MAGI2: variants seen among roughly 807,000 people sequenced by gnomAD.
MAGI2 encodes membrane-associated guanylate kinase, WW and PDZ domain-containing protein 2.
MAGI2 carries 35 observed loss-of-function variants against 133.3 expected under a neutral mutation model. The ratio of observed to expected loss-of-function variants is 0.26; its 90% CI spans 0.20 to 0.35. The LOEUF (loss-of-function observed/expected upper bound fraction) is 0.35. Among genes scored for constraint, MAGI2 ranks in the 10% least tolerant of loss-of-function variants. The probability of loss-of-function intolerance (pLI) is 1.00; values close to 1 mark genes in which losing one functional copy is unlikely to be tolerated. For synonymous variants in MAGI2, 729 were observed against 710.6 expected (o/e 1.03, Z -0.41); for missense variants, 1,636 against 1,863.4 (o/e 0.88, Z 2.25).
intron 2 of MAGI2, among the ~76,000 whole-genome samples, chr7:78,807,333 A>C (rs576639317): frequency 6.6e-6 from 1 of 152,282 alleles, no homozygotes; most frequent in East Asian, 1.9e-4. Flanking sequence ...TAATATAAAT[A>C]ATATATTTTA....
intron 2 of MAGI2, among the ~76,000 whole-genome samples, chr7:78,686,383 C>T (rs1325079643): frequency 6.6e-6 from 1 of 152,156 alleles, no homozygotes; most frequent in African/African-American, 2.4e-5. Flanking sequence ...ACACACCCAT[C>T]ACCATGGCTA....
At chr7:79,052,032 T>C (rs1812720480) in intron 1 of MAGI2, among the ~76,000 whole-genome samples, 1 of 152,130 alleles carries the variant, frequency 6.6e-6, no homozygotes, top group South Asian at 2.1e-4. Context: ...TTTTTGGGTA[T>C]AGTTCCTAAC....
intron 18 of MAGI2, among the ~76,000 whole-genome samples, chr7:78,129,192 G>A (rs981018806): frequency 6.6e-6 from 1 of 150,826 alleles, no homozygotes; most frequent in Admixed American, 6.6e-5. Context: ...TAATACAAAC[G>A]AGTAAAAATA....
intron 7 of MAGI2, among the ~76,000 whole-genome samples, chr7:78,359,609 C>T (rs560505447): frequency 3.5e-4 from 53 of 152,082 alleles, no homozygotes; most frequent in Admixed American, 5.2e-4. Flanking sequence ...GATAATAATT[C>T]GCCCTTCTGA....
chr7:78,294,592 G>C (rs986519144), intron 9 of MAGI2, among the ~76,000 whole-genome samples: 3 of 152,084 alleles, frequency 2.0e-5, no homozygotes, highest in African/African-American at 7.2e-5. Flanking sequence ...GACACGTGTG[G>C]AAACACTTAG....
At chr7:78,691,404 T>C (rs2151122693) in intron 2 of MAGI2, among the ~76,000 whole-genome samples, 1 of 152,212 alleles carries the variant, frequency 6.6e-6, no homozygotes, top group African/African-American at 2.4e-5. Flanking sequence ...TGAATATTTG[T>C]AAGATAATGA....
chr7:79,094,338 A>C (rs1350346888), intron 1 of MAGI2, among the ~76,000 whole-genome samples: 1 of 152,220 alleles, frequency 6.6e-6, no homozygotes, highest in Admixed American at 6.5e-5. Flanking sequence ...TCACATCTTC[A>C]GTCTCCACTT....
intron 2 of MAGI2, among the ~76,000 whole-genome samples, chr7:78,845,986 T>G (rs1792570023): frequency 1.3e-5 from 2 of 151,880 alleles, no homozygotes; most frequent in African/African-American, 4.8e-5. Flanking sequence ...GTAAAACCGT[T>G]GGTAGTATGA....
chr7:78,354,303 C>A (rs761577897), intron 7 of MAGI2, among the ~76,000 whole-genome samples: 5 of 152,122 alleles, frequency 3.3e-5, no homozygotes, highest in Non-Finnish European at 7.4e-5. Context: ...TGTGCAGTCA[C>A]AATATAACTT....
intron 2 of MAGI2, among the ~76,000 whole-genome samples, chr7:78,823,399 T>C (rs374600689): frequency 1.3e-5 from 2 of 152,002 alleles, no homozygotes; most frequent in South Asian, 2.1e-4. Flanking sequence ...CTGGCTAACA[T>C]GGTGAAACCC....
chr7:78,260,914 A>T (rs1018440027), intron 9 of MAGI2, among the ~76,000 whole-genome samples: 1 of 152,180 alleles, frequency 6.6e-6, no homozygotes. Flanking sequence ...AATACAGAAT[A>T]GGATACCTCA....
chr7:78,756,040 G>A (rs1297476322), intron 2 of MAGI2, among the ~76,000 whole-genome samples: 10 of 152,128 alleles, frequency 6.6e-5, no homozygotes, highest in East Asian at 5.8e-4. Flanking sequence ...AGAATTCTCC[G>A]GGATACTATA....
intron 1 of MAGI2, among the ~76,000 whole-genome samples, chr7:79,091,049 C>T (rs563269156): frequency 6.6e-6 from 1 of 151,792 alleles, no homozygotes; most frequent in African/African-American, 2.4e-5. Flanking sequence ...CACCTTAGTG[C>T]TGCGAAGTTT....
intron 6 of MAGI2, among the ~76,000 whole-genome samples, chr7:78,402,914 G>C (rs1182612743): frequency 6.6e-6 from 1 of 151,558 alleles, no homozygotes; most frequent in East Asian, 1.9e-4. Flanking sequence ...AAAATATATT[G>C]GTATAAATTT....
At chr7:78,122,142 TAGG>T (rs1288422093) in intron 20 of MAGI2, among the ~76,000 whole-genome samples, 1 of 151,878 alleles carries the variant, frequency 6.6e-6, no homozygotes, top group African/African-American at 2.4e-5. Context: ...GGCTGGAGAG[TAGG>T]AGGAGAATGA....
At chr7:78,408,915 T>C (rs1797626638) in intron 6 of MAGI2, among the ~76,000 whole-genome samples, 1 of 152,212 alleles carries the variant, frequency 6.6e-6, no homozygotes, top group South Asian at 2.1e-4. Context: ...GTATTTCTAC[T>C]GGATAATACT....
chr7:78,083,421 A>AGG (rs1305985688), intron 20 of MAGI2, among the ~76,000 whole-genome samples: 19 of 145,812 alleles, frequency 1.3e-4, no homozygotes, highest in Admixed American at 8.2e-4. Flanking sequence ...AGAGAGAGAG[A>AGG]GAGAGAGAGA....
chr7:79,105,736 T>C (rs1410654145), intron 1 of MAGI2, among the ~76,000 whole-genome samples: 2 of 152,122 alleles, frequency 1.3e-5, no homozygotes, highest in Non-Finnish European at 2.9e-5. Context: ...TTTTTTAGAC[T>C]ATCTAGGACT....
chr7:78,558,774 C>T (rs1046085922), intron 3 of MAGI2, among the ~76,000 whole-genome samples: 9 of 151,494 alleles, frequency 5.9e-5, no homozygotes, highest in African/African-American at 2.2e-4. Context: ...TTCAGTTGGC[C>T]CACGTGAGGG....
Sources: allele counts gnomAD v4.1 joint callset (sites outside exome capture counted in the v4.1 genomes callset), GRCh38; gene constraint gnomAD v4.1.1; transcripts MANE v1.5; gene names NCBI Gene and HGNC (gene_info 2026-07-23, HGNC 2026-07-21).